The following EXOC4 variants were observed in gnomAD, a reference collection of about 807,000 sequenced individuals.
The protein encoded by EXOC4 is SEC8-like 1.
Under a neutral mutation model 107.2 loss-of-function variants are expected in EXOC4, and 71 were observed. The observed-to-expected ratio is 0.66, with a 90% CI of 0.55 to 0.81. The LOEUF (loss-of-function observed/expected upper bound fraction) is 0.81. EXOC4 is among the 30% of genes least tolerant of loss of function. The probability of loss-of-function intolerance (pLI) is 0.00; values close to 1 mark genes in which losing one functional copy is unlikely to be tolerated. For synonymous variants in EXOC4, 456 were observed against 441.2 expected, an observed-to-expected ratio of 1.03 and a Z score of -0.42; for missense variants, 1,108 against 1,189.6, an observed-to-expected ratio of 0.93 and a Z score of 1.01.
the EXOC4 span, among the ~76,000 whole-genome samples, chr7:134,080,062 C>T: frequency 6.6e-6 from 1 of 152,104 alleles, no homozygotes; most frequent in Admixed American, 6.6e-5. Flanking sequence ...AGCTGCAGCC[C>T]CTGACTTAGT....
At chr7:133,753,089 C>T (rs537500853) in intron 10 of EXOC4, among the ~76,000 whole-genome samples, 3 of 152,312 alleles carry the variant, frequency 2.0e-5, no homozygotes, top group South Asian at 2.1e-4. Context: ...TATTTTTCTT[C>T]GTCATATTGA....
Position 133,514,069 on chromosome 7 carries a change from A to G in EXOC4, c.1417+33931A>G, listed in dbSNP as rs183637298. On this transcript the variant is annotated intron_variant, in intron 9 of 17. Coordinates refer to ENST00000253861, the MANE Select transcript of EXOC4 (RefSeq NM_021807.4). Reference sequence around the variant, plus strand: ...ACTCAGACATTGTTCTAGGTGCTTTACATGTATTAATGGTATTGATAATAT... The same window carrying G: ...ACTCAGACATTGTTCTAGGTGCTTTGCATGTATTAATGGTATTGATAATAT... Among the ~76,000 whole-genome samples, 173 of 152,264 alleles carry G rather than the reference A, an allele frequency of 1.1e-3. 1 individual carries two copies. Among genetic ancestry groups the G allele is most frequent in the African/African-American group, 3.9e-3 (164 of 41,566 alleles).
chr7:133,783,010 A>T (rs879786625), intron 10 of EXOC4, among the ~76,000 whole-genome samples: 14 of 152,162 alleles, frequency 9.2e-5, no homozygotes, highest in Non-Finnish European at 1.9e-4. Flanking sequence ...GTGATTTTGG[A>T]CAAGTTACTT....
At chr7:133,427,958 A>G (rs1329778731) in intron 7 of EXOC4, among the ~76,000 whole-genome samples, 3 of 152,196 alleles carry the variant, frequency 2.0e-5, no homozygotes, top group African/African-American at 7.2e-5. Flanking sequence ...GAGAGACATA[A>G]CTACCTTGTG....
At chr7:133,401,174 C>CTT (rs34379831) in intron 7 of EXOC4, among the ~76,000 whole-genome samples, 64 of 143,150 alleles carry the variant, frequency 4.5e-4, no homozygotes, top group South Asian at 6.7e-4. Flanking sequence ...CCAGAGCCCA[C>CTT]TTTTTTTTTT....
intron 11 of EXOC4, among the ~76,000 whole-genome samples, chr7:133,830,825 G>A (rs1331973507): frequency 6.6e-6 from 1 of 152,098 alleles, no homozygotes; most frequent in Non-Finnish European, 1.5e-5. Flanking sequence ...TTGCGTATAT[G>A]TGTGTGTGTA....
chr7:133,256,070 C>A (rs1225379991), intron 1 of EXOC4, among the ~76,000 whole-genome samples: 1 of 152,032 alleles, frequency 6.6e-6, no homozygotes, highest in East Asian at 1.9e-4. Flanking sequence ...CAAGCTCCGC[C>A]TTCCGGGTTC....
At chr7:133,746,685 A>G (rs1230985354) in intron 10 of EXOC4, among the ~76,000 whole-genome samples, 1 of 152,184 alleles carries the variant, frequency 6.6e-6, no homozygotes, top group Non-Finnish European at 1.5e-5. Flanking sequence ...TAAAGATGAA[A>G]CTTCAGTGAA....
At chr7:133,922,984 T>C (rs568070756) in intron 13 of EXOC4, among the ~76,000 whole-genome samples, 1,789 of 92,876 alleles carry the variant, frequency 0.019, 30 homozygotes, top group African/African-American at 0.14. Flanking sequence ...GTGAATATCC[T>C]GGGTTTTTTT....
intron 10 of EXOC4, among the ~76,000 whole-genome samples, chr7:133,709,572 T>C (rs573603573): frequency 6.6e-6 from 1 of 152,322 alleles, no homozygotes; most frequent in African/African-American, 2.4e-5. Flanking sequence ...ATTATGTCTA[T>C]TCATTGCCTA....
At chr7:133,463,183 A>G (rs999795742) in intron 7 of EXOC4, among the ~76,000 whole-genome samples, 1 of 152,188 alleles carries the variant, frequency 6.6e-6, no homozygotes, top group Non-Finnish European at 1.5e-5. Flanking sequence ...TATTAAATCT[A>G]TAGGATTTGG....
chr7:133,588,501 C>G (rs956076610), intron 9 of EXOC4, among the ~76,000 whole-genome samples: 1 of 152,086 alleles, frequency 6.6e-6, no homozygotes, highest in African/African-American at 2.4e-5. Flanking sequence ...TCTCTATTTG[C>G]TCTATAAAAA....
intron 11 of EXOC4, among the ~76,000 whole-genome samples, chr7:133,855,079 CTAAATATATA>C (rs1297598608): frequency 4.6e-5 from 2 of 43,752 alleles, no homozygotes; most frequent in Non-Finnish European, 8.1e-5. Context: ...CTAAATATAT[CTAAATATATA>C]TAAATATATA....
At chr7:133,610,688 G>A (rs1347324801) in intron 9 of EXOC4, among the ~76,000 whole-genome samples, 1 of 151,876 alleles carries the variant, frequency 6.6e-6, no homozygotes, top group Non-Finnish European at 1.5e-5. Flanking sequence ...TTCAACTCTT[G>A]TGATTGCCTC....
At chr7:133,313,872 T>G (rs1301051951) in intron 4 of EXOC4, among the ~76,000 whole-genome samples, 1 of 152,120 alleles carries the variant, frequency 6.6e-6, no homozygotes, top group Non-Finnish European at 1.5e-5. Flanking sequence ...TCAGTCACAA[T>G]ATATAATTGG....
chr7:133,668,225 T>C (rs1360725403), intron 10 of EXOC4, among the ~76,000 whole-genome samples: 1 of 152,226 alleles, frequency 6.6e-6, no homozygotes, highest in Non-Finnish European at 1.5e-5. Flanking sequence ...AATAATTTTA[T>C]AGAAGGTCTT....
At chr7:133,744,422 T>A (rs1055810169) in intron 10 of EXOC4, among the ~76,000 whole-genome samples, 5 of 152,148 alleles carry the variant, frequency 3.3e-5, no homozygotes, top group African/African-American at 1.2e-4. Context: ...TTCATTACGA[T>A]TTTTACTTGA....
intron 9 of EXOC4, among the ~76,000 whole-genome samples, chr7:133,601,494 T>C (rs915962490): frequency 3.9e-5 from 6 of 152,190 alleles, no homozygotes; most frequent in African/African-American, 1.4e-4. Flanking sequence ...GTCCCACCAT[T>C]ATATTCACAT....
At chr7:133,789,029 A>G (rs1796649104) in intron 10 of EXOC4, among the ~76,000 whole-genome samples, 2 of 152,126 alleles carry the variant, frequency 1.3e-5, no homozygotes, top group Admixed American at 1.3e-4. Context: ...TTATTTTGCA[A>G]TGTCTCCTAT....
Sources: gnomAD v4.1 joint callset for allele counts (sites outside exome capture counted in the v4.1 genomes callset) on GRCh38, gnomAD v4.1.1 for gene constraint, MANE v1.5 for transcripts, NCBI Gene and HGNC (gene_info 2026-07-23, HGNC 2026-07-21) for gene names.